PAN3: variants seen among roughly 807,000 people sequenced by gnomAD.
PAN3 encodes PAN2-PAN3 deadenylation complex subunit PAN3.
A neutral mutation model predicts 96.2 loss-of-function variants in PAN3; 19 were observed. The observed-to-expected ratio is 0.20, with a 90% CI of 0.14 to 0.29. The LOEUF is 0.29. Ranked by LOEUF, PAN3 falls within the 10% of genes least tolerant of loss-of-function variation. The pLI, the probability that PAN3 is intolerant of heterozygous loss-of-function variation, is 1.00. For missense variants in PAN3, 882 were observed against 1,108.1 expected, an observed-to-expected ratio of 0.80 and a Z score of 2.90; for synonymous variants, 433 against 406.6, an observed-to-expected ratio of 1.06 and a Z score of -0.78.
At chr13:28,183,888 TGGTAGTA>T (rs1448023845) in intron 4 of PAN3, among the ~76,000 whole-genome samples, 7 of 152,310 alleles carry the variant, frequency 4.6e-5, no homozygotes, top group African/African-American at 1.7e-4. Flanking sequence ...TGACTATTAT[TGGTAGTA>T]GGTAGTAAGT....
intron 4 of PAN3, among the ~76,000 whole-genome samples, chr13:28,194,628 C>T (rs1168878934): frequency 1.3e-5 from 2 of 151,526 alleles, no homozygotes; most frequent in Admixed American, 6.6e-5. Context: ...CTGCTACACA[C>T]GGCTAATTTC....
intron 6 of PAN3, among the ~76,000 whole-genome samples, chr13:28,235,883 TAAA>T (rs1204136274): frequency 1.3e-5 from 2 of 148,376 alleles, no homozygotes; most frequent in African/African-American, 5.1e-5. Flanking sequence ...AGCTGATTTT[TAAA>T]TTTTTTTTTT....
chr13:28,138,662 A>T lies in PAN3; in HGVS notation c.5A>T (p.Asn2Ile), dbSNP rs1211005813. The T allele has an allele frequency of 6.0e-6, 4 of 669,242 alleles. No homozygotes were observed. The highest frequency in any genetic ancestry group is 8.9e-6 in the Non-Finnish European group (4 of 450,992). The allele number at this position is 669,242 out of a possible 1,614,324, so 41.5% of individuals were successfully genotyped here. The change falls in exon 1 of 19, where the codon AAC becomes ATC. Residue 2 changes from asparagine (N) to isoleucine (I), a missense_variant. Physicochemically the swap from Asn to Ile is moderately radical, Grantham distance 149 (BLOSUM62 -3). Transcript: ENST00000380958. ...AGACGAGGCTGCGGCGTTGCCATGA[A>T]CAGTGGCGGCGGCCTCCCGCCCCCC... M[N>I]SGGGLPPPSA... is the part of the protein sequence containing the mutation.
intron 7 of PAN3, among the ~76,000 whole-genome samples, chr13:28,260,183 G>A (rs1885576300): frequency 1.3e-5 from 2 of 151,924 alleles, no homozygotes; most frequent in South Asian, 2.1e-4. Context: ...GATCACCTGA[G>A]GTCAGGAGTT....
At chr13:28,207,769 A>G (rs1203175650) in intron 5 of PAN3, among the ~76,000 whole-genome samples, 1 of 152,220 alleles carries the variant, frequency 6.6e-6, no homozygotes, top group Non-Finnish European at 1.5e-5. Flanking sequence ...TATACTGATC[A>G]TGGCACATTG....
rs1450788377 is a variant in PAN3, at chr13:28,190,806, T to G, written c.691-6379T>G. ...CCACTCCCATGATTCAGTCACTCCC[T>G]TAACACATGGGCATTATTAATATAA... On this transcript the variant is annotated intron_variant, in intron 4 of 18. Transcript: ENST00000380958. Among the ~76,000 whole-genome samples the G allele has an allele frequency of 2.0e-5, 3 of 152,166 alleles. No homozygotes were observed. In the East Asian group the frequency reaches 5.8e-4, roughly 29 times the overall value.
chr13:28,239,456 C>A (rs887902663), intron 6 of PAN3: 2 of 402,386 alleles, frequency 5.0e-6, no homozygotes, highest in Non-Finnish European at 9.0e-6. Flanking sequence ...TCATTGGCTA[C>A]TTCTGTAGTT....
chr13:28,140,937 A>G (rs538289856), intron 1 of PAN3, among the ~76,000 whole-genome samples: 3 of 151,988 alleles, frequency 2.0e-5, no homozygotes, highest in African/African-American at 4.8e-5. Flanking sequence ...GTCGTGACTC[A>G]GTAGTAATGT....
chr13:28,256,810 T>G (rs1202127465), intron 7 of PAN3, among the ~76,000 whole-genome samples: 1 of 152,218 alleles, frequency 6.6e-6, no homozygotes, highest in East Asian at 1.9e-4. Context: ...CATGTTTTGC[T>G]TATGGGTTTA....
intron 6 of PAN3, among the ~76,000 whole-genome samples, chr13:28,254,624 G>A (rs1054716883): frequency 2.6e-5 from 4 of 151,976 alleles, no homozygotes; most frequent in African/African-American, 9.7e-5. Flanking sequence ...GTACAATATA[G>A]AGTTAGATTA....
chr13:28,189,964 A>AC (rs1877027192), intron 4 of PAN3, among the ~76,000 whole-genome samples: 1 of 152,110 alleles, frequency 6.6e-6, no homozygotes, highest in Non-Finnish European at 1.5e-5. Flanking sequence ...TACTTTTGAG[A>AC]CAGAGTCTTG....
intron 6 of PAN3, among the ~76,000 whole-genome samples, chr13:28,238,253 T>C (rs980496116): frequency 4.6e-5 from 7 of 152,204 alleles, no homozygotes; most frequent in Non-Finnish European, 8.8e-5. Context: ...AAAAGTGATA[T>C]AAGCGATTAT....
chr13:28,154,950 A>G (rs1257596763), intron 1 of PAN3, among the ~76,000 whole-genome samples: 1 of 150,738 alleles, frequency 6.6e-6, no homozygotes, highest in Non-Finnish European at 1.5e-5. Flanking sequence ...CCTCCCGAGT[A>G]GCTGGGAGTA....
At chr13:28,205,636 C>T (rs1390479171) in intron 5 of PAN3, among the ~76,000 whole-genome samples, 1 of 151,820 alleles carries the variant, frequency 6.6e-6, no homozygotes, top group Non-Finnish European at 1.5e-5. Context: ...CCCAGGAGTT[C>T]GAGACCAGCC....
At chr13:28,260,227 T>C (rs1272670977) in intron 7 of PAN3, among the ~76,000 whole-genome samples, 2 of 152,014 alleles carry the variant, frequency 1.3e-5, no homozygotes, top group East Asian at 3.9e-4. Context: ...TGAAACCCTG[T>C]CTCTACAAAA....
intron 6 of PAN3, among the ~76,000 whole-genome samples, chr13:28,228,916 C>A (rs1882268777): frequency 6.6e-6 from 1 of 152,142 alleles, no homozygotes; most frequent in Admixed American, 6.6e-5. Context: ...AAATGTATTT[C>A]TTGCTTTTGT....
intron 5 of PAN3, among the ~76,000 whole-genome samples, chr13:28,218,020 A>G (rs1376733339): frequency 3.9e-5 from 6 of 152,012 alleles, no homozygotes; most frequent in Admixed American, 3.9e-4. Flanking sequence ...TACTTGTTCT[A>G]GTTACCAGTT....
At chr13:28,139,123 G>A in intron 1 of PAN3, 36 bp downstream of exon 1, 3 of 1,279,450 alleles carry the variant, frequency 2.3e-6, no homozygotes, top group South Asian at 2.5e-5. Context: ...CCGCGGCGGC[G>A]GAGGGCAGGC....
At chr13:28,167,177 G>GT (rs1216263971) in intron 1 of PAN3, among the ~76,000 whole-genome samples, 1 of 147,674 alleles carries the variant, frequency 6.8e-6, no homozygotes, top group African/African-American at 2.5e-5. Flanking sequence ...CATGCTTGTG[G>GT]TACTCTCTTC....
Sources: gnomAD v4.1 joint callset for allele counts (sites outside exome capture counted in the v4.1 genomes callset) on GRCh38, gnomAD v4.1.1 for gene constraint, MANE v1.5 for transcripts, NCBI Gene and HGNC (gene_info 2026-07-23, HGNC 2026-07-21) for gene names.